Variants in NTN4 observed in about 807,000 individuals in gnomAD.
NTN4 encodes the protein netrin 4, also known as netrin-4.
NTN4 carries 32 observed loss-of-function variants against 73.6 expected under a neutral mutation model. That is an observed-to-expected ratio of 0.44 (90% CI 0.33 to 0.58). The LOEUF (loss-of-function observed/expected upper bound fraction) is 0.58, where lower values mean the gene tolerates loss of function less well. NTN4 is among the 20% of genes least tolerant of loss of function. The probability of loss-of-function intolerance (pLI) is 0.04; values close to 1 mark genes in which losing one functional copy is unlikely to be tolerated. For synonymous variants in NTN4, 258 were observed against 287.5 expected (o/e 0.90, Z 1.04); for missense variants, 654 against 798.3 (o/e 0.82, Z 2.18).
chr12:95,679,911 T>A (rs936521266), intron 7 of NTN4, among the ~76,000 whole-genome samples: 3 of 152,128 alleles, frequency 2.0e-5, no homozygotes, highest in Non-Finnish European at 4.4e-5. Context: ...CCTGAATTCC[T>A]CCTCAGGGCT....
At chr12:95,713,856 A>T (rs1390020099) in intron 3 of NTN4, among the ~76,000 whole-genome samples, 13 of 151,988 alleles carry the variant, frequency 8.6e-5, no homozygotes, top group Admixed American at 8.5e-4. Context: ...CCCTAATGGC[A>T]CCCCGTATGA....
At chr12:95,694,634 T>G (rs1304084515) in intron 5 of NTN4, among the ~76,000 whole-genome samples, 1 of 152,156 alleles carries the variant, frequency 6.6e-6, no homozygotes, top group South Asian at 2.1e-4. Context: ...CTTCTTTCCT[T>G]CTGCTATCAA....
intron 3 of NTN4, 56 bp downstream of exon 3, chr12:95,737,810 A>G (rs527868631): frequency 6.3e-4 from 986 of 1,553,716 alleles, no homozygotes; most frequent in Non-Finnish European, 8.2e-4. Context: ...ACCAATGCCC[A>G]AAGCTGAAGG....
At chr12:95,743,384 G>A (rs994342527) in intron 2 of NTN4, among the ~76,000 whole-genome samples, 8 of 152,018 alleles carry the variant, frequency 5.3e-5, no homozygotes, top group African/African-American at 1.7e-4. Flanking sequence ...TTCTTAAAGG[G>A]AAAACTTAGA....
chr12:95,755,420 A>C (rs560993586), intron 2 of NTN4, among the ~76,000 whole-genome samples: 1 of 152,364 alleles, frequency 6.6e-6, no homozygotes, highest in Admixed American at 6.5e-5. Flanking sequence ...AGAAGATAGC[A>C]TAATTGACAT....
At chr12:95,675,715 C>T (rs1371102089) in intron 7 of NTN4, among the ~76,000 whole-genome samples, 2 of 152,110 alleles carry the variant, frequency 1.3e-5, no homozygotes, top group East Asian at 3.8e-4. Context: ...AATGAATGTG[C>T]ATTCGGGGGA....
chr12:95,665,391 A>G (rs371333700), intron 9 of NTN4, among the ~76,000 whole-genome samples: 4 of 152,260 alleles, frequency 2.6e-5, no homozygotes, highest in East Asian at 1.9e-4. Flanking sequence ...TTTTCAAGCA[A>G]TAGTCGAAAT....
intron 3 of NTN4, among the ~76,000 whole-genome samples, chr12:95,715,059 G>A (rs73223838): frequency 0.11 from 16,818 of 152,018 alleles, 1,267 homozygotes; most frequent in Non-Finnish European, 0.17. Flanking sequence ...ACTGGTGGTC[G>A]CACTCTGCAA....
Position 95,750,283 on chromosome 12 carries a change from C to T in NTN4, c.586-12139G>A, listed in dbSNP as rs183407636. On this transcript the variant is annotated intron_variant, in intron 2 of 9. Transcript: ENST00000343702. ...CCACTTTTCTGGAAGGTAAGAACCG[C>T]CGAACCCCTTCTCTCTGTTTCTCTA... Among the ~76,000 whole-genome samples the T allele has an allele frequency of 2.2e-3, 329 of 151,940 alleles. 3 individuals carry two copies. Among genetic ancestry groups the T allele is most frequent in the African/African-American group, 7.8e-3 (321 of 41,410 alleles).
chr12:95,668,044 A>G (rs1057264163), intron 8 of NTN4, among the ~76,000 whole-genome samples: 3 of 152,040 alleles, frequency 2.0e-5, no homozygotes, highest in Non-Finnish European at 4.4e-5. Flanking sequence ...CGCTATTATT[A>G]TTCCACTAGA....
In NTN4 at chr12:95,710,565, C is replaced by G. The variant is rs761623376; in HGVS notation, c.1056G>C (p.Gly352=). ...CATCACAGACACCACCACTACGATT[C>G]CCTGATGCCTCCCACACATTAACGT... ...HFDVNVWEAS[G]NRSGGVCDDC... The change falls in exon 5 of 10, where the codon GGG becomes GGC. Residue 352 remains glycine (G), a synonymous_variant. Transcript: ENST00000343702. 1.9e-5 allele frequency: 30 copies of G among 1,614,182 alleles called. No individual in the cohort carries two copies. The East Asian group carries it at 6.7e-4, about 36-fold the overall frequency.
chr12:95,660,360 A>G (rs1285180690), intron 9 of NTN4, among the ~76,000 whole-genome samples: 2 of 152,188 alleles, frequency 1.3e-5, no homozygotes, highest in Admixed American at 6.6e-5. Flanking sequence ...GGGAAAACAT[A>G]TAGGAAAGAA....
chr12:95,659,165 T>G lies in NTN4; in HGVS notation c.1808A>C (p.Asn603Thr). ...EDIRTGKLIV[N>T]MKSFVQHWKP... is the part of the protein sequence containing the mutation. The stretch of plus-strand genomic sequence containing the variant: ...CCAGTGCTGGACAAAGCTTTTCATA[T>G]TCACAATTAGTTTGCCTGTTCTTAT... Residue 603 changes from asparagine (N) to threonine (T), a missense_variant, in exon 10 of 10, where the codon AAT (asparagine) becomes ACT (threonine). Asn to Thr is a moderately conservative substitution (Grantham distance 65, BLOSUM62 0). Transcript: ENST00000343702. The G allele has an allele frequency of 6.2e-7, 1 of 1,613,820 alleles. No homozygotes were observed. Among genetic ancestry groups the G allele is most frequent in the East Asian group, 2.2e-5 (1 of 44,876 alleles).
In NTN4 at chr12:95,725,280, G is replaced by A. The variant is rs77536645; in HGVS notation, c.865-11942C>T. Among the ~76,000 whole-genome samples, 997 of 152,236 alleles carry A rather than the reference G, an allele frequency of 6.5e-3. 13 individuals are homozygous for A. Among genetic ancestry groups the A allele is most frequent in the African/African-American group, 0.022 (930 of 41,560 alleles). ...TTGTAAGCAACTTATCTGTCAAGTA[G>A]TGTTTGAGAATGAAGGAAGGTGTTG... On this transcript the variant is annotated intron_variant, in intron 3 of 9. Coordinates refer to ENST00000343702, the MANE Select transcript of NTN4 (RefSeq NM_021229.4).
chr12:95,685,977 C>T (rs2078357871), intron 5 of NTN4, among the ~76,000 whole-genome samples: 1 of 152,128 alleles, frequency 6.6e-6, no homozygotes. Context: ...CCTCGACCTC[C>T]CAGGCTCAAG....
chr12:95,718,818 C>T (rs1481788094), intron 3 of NTN4, among the ~76,000 whole-genome samples: 1 of 152,052 alleles, frequency 6.6e-6, no homozygotes, highest in African/African-American at 2.4e-5. Context: ...TATTTCTCTC[C>T]TTCAGCTTTC....
chr12:95,728,729 T>C (rs562629345), intron 3 of NTN4, among the ~76,000 whole-genome samples: 1 of 152,166 alleles, frequency 6.6e-6, no homozygotes, highest in South Asian at 2.1e-4. Flanking sequence ...TGCCCTGATA[T>C]GGTTTGGATC....
chr12:95,660,214 C>T (rs907724704), intron 9 of NTN4, among the ~76,000 whole-genome samples: 2 of 152,000 alleles, frequency 1.3e-5, no homozygotes, highest in Non-Finnish European at 2.9e-5. Flanking sequence ...AGGGTTTTAC[C>T]ATGTTGGCCA....
At chr12:95,761,234 A>G (rs7959268) in intron 2 of NTN4, among the ~76,000 whole-genome samples, 84,893 of 151,814 alleles carry the variant, frequency 0.56, 23,997 homozygotes, top group East Asian at 0.68. Context: ...GCTTCAGTCA[A>G]TTAACTCTAA....
Sources: gnomAD v4.1 joint callset for allele counts (sites outside exome capture counted in the v4.1 genomes callset) on GRCh38, gnomAD v4.1.1 for gene constraint, MANE v1.5 for transcripts, NCBI Gene and HGNC (gene_info 2026-07-23, HGNC 2026-07-21) for gene names.